XIRP2: variants seen among roughly 807,000 people sequenced by gnomAD.
XIRP2 encodes xin actin binding repeat containing 2, also known as xin actin-binding repeat-containing protein 2.
XIRP2 carries 236 observed loss-of-function variants against 277.0 expected under a neutral mutation model. The ratio of observed to expected loss-of-function variants is 0.85; its 90% CI spans 0.77 to 0.95. XIRP2 has a LOEUF of 0.95. XIRP2 is among the 40% of genes least tolerant of loss of function. The pLI is 0.00. For synonymous variants in XIRP2, 1,490 were observed against 1,416.5 expected (o/e 1.05, Z -1.17); for missense variants, 4,640 against 4,157.5 (o/e 1.12, Z -3.19).
At chr2:166,916,101 G>C (rs942696787) in intron 2 of XIRP2, among the ~76,000 whole-genome samples, 2 of 152,168 alleles carry the variant, frequency 1.3e-5, no homozygotes, top group Admixed American at 1.3e-4. Flanking sequence ...ATATGTGAGT[G>C]TCATTCACTC....
At chr2:167,227,231 T>C (rs1364590577) in intron 5 of XIRP2, among the ~76,000 whole-genome samples, 1 of 152,040 alleles carries the variant, frequency 6.6e-6, no homozygotes, top group Non-Finnish European at 1.5e-5. Context: ...AGTCAAAAAA[T>C]AGAATAGGAG....
chr2:166,988,193 T>A (rs969409224), intron 2 of XIRP2, among the ~76,000 whole-genome samples: 1 of 152,186 alleles, frequency 6.6e-6, no homozygotes, highest in East Asian at 1.9e-4. Flanking sequence ...CTTGAAAGCA[T>A]CTAACATTAC....
At chr2:167,029,693 T>A (rs1459472872) in intron 2 of XIRP2, among the ~76,000 whole-genome samples, 4 of 152,098 alleles carry the variant, frequency 2.6e-5, no homozygotes, top group Non-Finnish European at 4.4e-5. Context: ...TCTACCAGGT[T>A]TTGGTATCAG....
intron 2 of XIRP2, among the ~76,000 whole-genome samples, chr2:166,935,540 T>A (rs545022547): frequency 1.0e-3 from 156 of 152,300 alleles, no homozygotes; most frequent in African/African-American, 3.7e-3. Context: ...AGTAGGTATA[T>A]CTCCTAATGT....
Position 167,250,200 on chromosome 2 carries a change from T to C in XIRP2, c.8808T>C (p.Asp2936=). 1.2e-6 allele frequency: 2 copies of C among 1,613,522 alleles called. No individual in the cohort carries two copies. Among genetic ancestry groups the C allele is most frequent in the Non-Finnish European group, 1.7e-6 (2 of 1,179,678 alleles). Residue 2936 remains aspartate (D), a synonymous_variant, in exon 9 of 11, where the codon GAT becomes GAC. Coordinates refer to ENST00000409195, the MANE Select transcript of XIRP2 (RefSeq NM_152381.6). ...CCTCTGTGAAAGAATCCCAGCGGGA[T>C]GATGGAAAAGGTGCCTTAAATATAG... ...FFSSVKESQR[D]DGKGALNIVE...
Position 167,242,908 on chromosome 2 carries a change from C to T in XIRP2, c.1516C>T (p.His506Tyr). ...ATTAAACCGTTTATATAAACACATC[C>T]ATCCTGAGTTAAGAAAAAACTTAGA... is the stretch of plus-strand genomic sequence containing the variant. ...YELNRLYKHIHPELRKNLEKD... is the reference protein window; with the variant it reads ...YELNRLYKHIYPELRKNLEKD... The change falls in exon 9 of 11, where the codon CAT (histidine) becomes TAT (tyrosine). Residue 506 changes from histidine to tyrosine, a missense_variant. His to Tyr is a moderately conservative substitution (Grantham distance 83). Coordinates refer to ENST00000409195, the MANE Select transcript of XIRP2 (RefSeq NM_152381.6). The T allele has an allele frequency of 6.2e-7, 1 of 1,613,660 alleles. No individual in the cohort carries two copies. The highest frequency in any genetic ancestry group is 1.1e-5 in the South Asian group (1 of 90,982).
chr2:167,014,509 T>C (rs533136687), intron 2 of XIRP2, among the ~76,000 whole-genome samples: 1 of 151,804 alleles, frequency 6.6e-6, no homozygotes, highest in African/African-American at 2.4e-5. Context: ...GTAAAATGAC[T>C]GTGGGATAAA....
At chr2:167,030,425 A>G (rs1452291561) in intron 2 of XIRP2, among the ~76,000 whole-genome samples, 1 of 152,058 alleles carries the variant, frequency 6.6e-6, no homozygotes, top group Non-Finnish European at 1.5e-5. Context: ...CTTTGTTCTC[A>G]TTGGGTTCAA....
At chr2:167,011,587 A>G (rs551039106) in intron 2 of XIRP2, among the ~76,000 whole-genome samples, 15 of 152,156 alleles carry the variant, frequency 9.9e-5, no homozygotes, top group Admixed American at 3.3e-4. Flanking sequence ...CTGGCCTCAT[A>G]ACATGAGTTA....
chr2:167,226,944 G>C (rs965819883), intron 5 of XIRP2, among the ~76,000 whole-genome samples: 1 of 152,140 alleles, frequency 6.6e-6, no homozygotes, highest in Non-Finnish European at 1.5e-5. Flanking sequence ...TTTATGCCGG[G>C]TTGTACACTG....
chr2:167,162,877 T>C (rs1692412348), intron 3 of XIRP2, among the ~76,000 whole-genome samples: 1 of 152,146 alleles, frequency 6.6e-6, no homozygotes, highest in Admixed American at 6.5e-5. Flanking sequence ...CCATATATCT[T>C]AGTTTTGCTT....
At chr2:166,893,446 T>C (rs1684160601) in intron 1 of XIRP2, among the ~76,000 whole-genome samples, 1 of 152,150 alleles carries the variant, frequency 6.6e-6, no homozygotes, top group African/African-American at 2.4e-5. Context: ...TCTGCGTATC[T>C]CTTTACCCAA....
intron 3 of XIRP2, among the ~76,000 whole-genome samples, chr2:167,200,147 A>G (rs1338773944): frequency 6.6e-6 from 1 of 152,206 alleles, no homozygotes; most frequent in Non-Finnish European, 1.5e-5. Context: ...TTTCCTCACA[A>G]TGTAGAGTTT....
At chr2:167,010,496 G>A (rs1394027433) in intron 2 of XIRP2, among the ~76,000 whole-genome samples, 1 of 152,070 alleles carries the variant, frequency 6.6e-6, no homozygotes, top group Non-Finnish European at 1.5e-5. Flanking sequence ...TTTGAAGTCA[G>A]GTAGCGTGAT....
In XIRP2 at chr2:167,242,983, T is replaced by C. The variant is rs181149601; in HGVS notation, c.1591T>C (p.Ser531Pro). ...TGAGATTGTTTCTAGTCAAATGAAC[T>C]CAGGGAGTTCAGTCTCAGCAGATGT... ...VSEIVSSQMN[S>P]GSSVSADVQQ... The change falls in exon 9 of 11, where the codon TCA (serine) becomes CCA (proline). Residue 531 changes from serine to proline, a missense_variant. Coordinates refer to ENST00000409195, the MANE Select transcript of XIRP2 (RefSeq NM_152381.6). The C allele has an allele frequency of 6.8e-6, 11 of 1,614,006 alleles. No homozygotes were observed. Among genetic ancestry groups the C allele is most frequent in the Non-Finnish European group, 9.3e-6 (11 of 1,179,938 alleles).
intron 2 of XIRP2, among the ~76,000 whole-genome samples, chr2:167,041,370 A>T (rs1368691755): frequency 2.0e-5 from 3 of 152,194 alleles, no homozygotes; most frequent in African/African-American, 7.2e-5. Flanking sequence ...CTGGATGACA[A>T]TGAAGCTCAT....
chr2:167,041,175 T>G (rs1399383480), intron 2 of XIRP2, among the ~76,000 whole-genome samples: 1 of 152,090 alleles, frequency 6.6e-6, no homozygotes, highest in African/African-American at 2.4e-5. Context: ...CCTGAAATCA[T>G]CCGGACAGTA....
At chr2:167,214,452 G>A (rs1439453882) in intron 4 of XIRP2, among the ~76,000 whole-genome samples, 2 of 143,928 alleles carry the variant, frequency 1.4e-5, no homozygotes, top group Admixed American at 6.9e-5. Context: ...ACTCCAGCCC[G>A]GACGGCTGAG....
At chr2:167,121,298 T>C (rs1273862932) in intron 2 of XIRP2, among the ~76,000 whole-genome samples, 1 of 152,184 alleles carries the variant, frequency 6.6e-6, no homozygotes, top group Non-Finnish European at 1.5e-5. Context: ...CTTTTGCACA[T>C]TTTAGTATGA....
Sources: allele counts gnomAD v4.1 joint callset (sites outside exome capture counted in the v4.1 genomes callset), GRCh38; gene constraint gnomAD v4.1.1; transcripts MANE v1.5; gene names NCBI Gene and HGNC (gene_info 2026-07-23, HGNC 2026-07-21).